Variants in SERPINB5 observed in about 807,000 individuals in gnomAD.
The protein encoded by SERPINB5 is serpin B5.
In SERPINB5, 27 loss-of-function variants were observed where a neutral mutation model predicts 32.2. The observed-to-expected ratio is 0.84, with a 90% CI of 0.62 to 1.16. SERPINB5 has a LOEUF of 1.16. SERPINB5 is among the 50% of genes most tolerant of loss of function. SERPINB5 has a pLI of 0.00. For synonymous variants in SERPINB5, 154 were observed against 157.4 expected (o/e 0.98, Z 0.16); for missense variants, 388 against 436.3 (o/e 0.89, Z 0.99).
At chr18:63,484,300 C>A in intron 1 of SERPINB5, 122 bp from the exon 2 acceptor site, 1 of 1,001,402 alleles carries the variant, frequency 1.0e-6, no homozygotes, top group Non-Finnish European at 1.4e-6. Context: ...ACAGAAAGTT[C>A]CTTGTTTCTT....
Position 63,487,056 on chromosome 18 carries a change from C to T in SERPINB5, c.279C>T (p.Tyr93=), listed in dbSNP as rs763683554. The T allele has an allele frequency of 5.6e-6, 9 of 1,613,952 alleles. No individual in the cohort carries two copies. The highest frequency in any genetic ancestry group is 2.7e-5 in the African/African-American group (2 of 75,036). ...CACTGAAACTAATCAAGCGGCTCTA[C>T]GTAGACAAATCTCTGAATCTTTCTA... The part of the protein sequence containing the change: ...FYSLKLIKRL[Y]VDKSLNLSTE... The change falls in exon 3 of 7, where the codon TAC becomes TAT. Residue 93 remains tyrosine, a synonymous_variant. Coordinates refer to ENST00000382771, the MANE Select transcript of SERPINB5 (RefSeq NM_002639.5).
intron 1 of SERPINB5, among the ~76,000 whole-genome samples, chr18:63,479,917 C>T (rs117236582): frequency 2.5e-4 from 38 of 152,310 alleles, no homozygotes; most frequent in Non-Finnish European, 4.0e-4. Flanking sequence ...GGGGAGACTT[C>T]AGGACATGCA....
At chr18:63,492,891 G>A in intron 4 of SERPINB5, 62 bp from the exon 5 acceptor site, 3 of 1,566,754 alleles carry the variant, frequency 1.9e-6, no homozygotes, top group Non-Finnish European at 2.6e-6. Flanking sequence ...ATATGCATGT[G>A]AATTTCAGAT....
In SERPINB5 at chr18:63,497,499, G is replaced by GAAAAAAA. The variant is rs60323388; in HGVS notation, c.568-1612_568-1606dup. On this transcript the variant is annotated intron_variant, in intron 5 of 6. Transcript: ENST00000382771. The stretch of plus-strand genomic sequence containing the variant: ...CTTTACCATTGAACACAACGTTTCT[G>GAAAAAAA]AAAAAAAAAAAAAAAGAGCCAAGCA... 324 of 223,664 alleles carry GAAAAAAA rather than the reference G, an allele frequency of 1.4e-3. 3 individuals carry two copies. The highest frequency in any genetic ancestry group is 7.5e-3 in the African/African-American group (301 of 40,348). The allele number at this position is 223,664 out of a possible 1,614,324, so 13.9% of individuals were successfully genotyped here. A position where few individuals can be genotyped will look rare whatever the true frequency, so the allele number is the denominator to read the frequency against.
chr18:63,500,231 C>CTTT (rs58217010), intron 6 of SERPINB5, among the ~76,000 whole-genome samples: 17,223 of 139,758 alleles, frequency 0.12, 1,118 homozygotes, highest in Non-Finnish European at 0.13. Flanking sequence ...CTATGCCTGG[C>CTTT]TTTTTTTTTT....
chr18:63,494,320 T>TCA lies in SERPINB5; in HGVS notation c.567+1226_567+1227dup, dbSNP rs1909404359. Reference sequence around the variant, plus strand: ...CTGGGTGACAAAGTGAGACTCCATCTCAAAAAAAAAAAAAAAAAAAAAAAA... The same window carrying TCA: ...CTGGGTGACAAAGTGAGACTCCATCTCACAAAAAAAAAAAAAAAAAAAAAAAA... On this transcript the variant is annotated intron_variant, in intron 5 of 6. Coordinates refer to ENST00000382771, the MANE Select transcript of SERPINB5 (RefSeq NM_002639.5). Among the ~76,000 whole-genome samples, 3 of 30,452 alleles carry TCA rather than the reference T, an allele frequency of 9.9e-5. 1 individual carries two copies. Among genetic ancestry groups the TCA allele is most frequent in the African/African-American group, 3.0e-4 (3 of 10,028 alleles). The allele number at this position is 30,452 out of a possible 152,430, so 20.0% of individuals were successfully genotyped here. A position where few individuals can be genotyped will look rare whatever the true frequency, so the allele number is the denominator to read the frequency against.
chr18:63,499,008 C>A, intron 5 of SERPINB5, 112 bp from the exon 6 acceptor site: 1 of 482,648 alleles, frequency 2.1e-6, no homozygotes, highest in Non-Finnish European at 3.3e-6. Context: ...TGTATATATA[C>A]ATGTGGGTAT....
At chr18:63,502,971 C>G (rs533235230) in intron 6 of SERPINB5, among the ~76,000 whole-genome samples, 1 of 152,004 alleles carries the variant, frequency 6.6e-6, no homozygotes, top group Non-Finnish European at 1.5e-5. Context: ...TTGCAATGAG[C>G]GACGATCACA....
At chr18:63,492,606 G>A (rs781376330) in intron 4 of SERPINB5, among the ~76,000 whole-genome samples, 7 of 152,230 alleles carry the variant, frequency 4.6e-5, no homozygotes, top group Non-Finnish European at 8.8e-5. Flanking sequence ...CTGAGTCTCA[G>A]CTTCCTCATT....
intron 1 of SERPINB5, among the ~76,000 whole-genome samples, chr18:63,483,556 A>G (rs1327150755): frequency 2.0e-5 from 3 of 152,258 alleles, no homozygotes; most frequent in Non-Finnish European, 2.9e-5. Context: ...CTTTGAAATG[A>G]CGATGTCGGC....
At chr18:63,481,006 A>G (rs1468573887) in intron 1 of SERPINB5, among the ~76,000 whole-genome samples, 1 of 152,222 alleles carries the variant, frequency 6.6e-6, no homozygotes. Flanking sequence ...GAGGATTAGC[A>G]TGCAAAGGAA....
intron 1 of SERPINB5, among the ~76,000 whole-genome samples, chr18:63,481,557 A>G (rs955858077): frequency 6.6e-6 from 1 of 152,252 alleles, no homozygotes; most frequent in Non-Finnish European, 1.5e-5. Flanking sequence ...AGAAGCTTTC[A>G]GGGATCTGGG....
chr18:63,487,791 T>C (rs955770129), intron 3 of SERPINB5, among the ~76,000 whole-genome samples: 3 of 151,974 alleles, frequency 2.0e-5, no homozygotes, highest in African/African-American at 7.3e-5. Flanking sequence ...TAACACAGAG[T>C]TGATTTAGTT....
rs769798018 is a variant in SERPINB5 at position 63,503,609 on chromosome 18, G to C, written c.1015G>C (p.Ala339Pro). 3 of 1,614,224 alleles carry C rather than the reference G, an allele frequency of 1.9e-6. No individual in the cohort carries two copies. The highest frequency in any genetic ancestry group is 2.5e-6 in the Non-Finnish European group (3 of 1,180,020). ...DGGDSIEVPG[A>P]RILQHKDELN... ...TGGGGATTCCATAGAGGTGCCAGGA[G>C]CACGGATCCTGCAGCACAAGGATGA... The change falls in exon 7 of 7, where the codon GCA becomes CCA. Residue 339 changes from alanine to proline, a missense_variant. Ala to Pro is a conservative substitution (Grantham distance 27). Coordinates refer to ENST00000382771, the MANE Select transcript of SERPINB5 (RefSeq NM_002639.5).
chr18:63,479,091 A>G (rs1599385927), intron 1 of SERPINB5, among the ~76,000 whole-genome samples: 1 of 152,198 alleles, frequency 6.6e-6, no homozygotes, highest in East Asian at 1.9e-4. Flanking sequence ...TGAAAAAACT[A>G]TACTCATAGC....
In SERPINB5 at chr18:63,484,538, C is replaced by T; in HGVS notation, c.110C>T (p.Thr37Ile). The change falls in exon 2 of 7, where the codon ACC becomes ATC. Residue 37 changes from threonine to isoleucine, a missense_variant. Physicochemically the swap from Thr to Ile is moderately conservative, Grantham distance 89 (BLOSUM62 -1). Transcript: ENST00000382771. ...CTCTTCTCTCCAATCTGTCTCTCCA[C>T]CTCTCTGTCACTTGCTCAAGTGGGT... ...NVLFSPICLS[T>I]SLSLAQVGAK... 1 of 1,614,176 alleles carries T rather than the reference C, an allele frequency of 6.2e-7. No homozygotes were observed. The highest frequency in any genetic ancestry group is 2.2e-5 in the East Asian group (1 of 44,884).
At chr18:63,481,566 G>T (rs914318135) in intron 1 of SERPINB5, among the ~76,000 whole-genome samples, 5 of 152,184 alleles carry the variant, frequency 3.3e-5, no homozygotes, top group African/African-American at 9.7e-5. Flanking sequence ...CAGGGATCTG[G>T]GTTTAGGCTT....
At chr18:63,490,091 C>CT (rs1266548583) in intron 4 of SERPINB5, among the ~76,000 whole-genome samples, 3 of 152,074 alleles carry the variant, frequency 2.0e-5, no homozygotes, top group Non-Finnish European at 4.4e-5. Flanking sequence ...ACTCGGGAGG[C>CT]TGAGACAGGA....
Position 63,503,658 on chromosome 18 carries a change from T to C in SERPINB5, c.1064T>C (p.Ile355Thr). 1 of 1,614,218 alleles carries C rather than the reference T, an allele frequency of 6.2e-7. No individual in the cohort carries two copies. Among genetic ancestry groups the C allele is most frequent in the South Asian group, 1.1e-5 (1 of 91,084 alleles). The change falls in exon 7 of 7, where the codon ATT becomes ACT. Residue 355 changes from isoleucine (I) to threonine (T), a missense_variant. By Grantham distance (89) the Ile-to-Thr change is moderately conservative. Transcript: ENST00000382771. ...GAATTGAATGCTGACCATCCCTTTA[T>C]TTACATCATCAGGCACAACAAAACT... is the stretch of plus-strand genomic sequence containing the variant. ...KDELNADHPF[I>T]YIIRHNKTRN...
Sources: gnomAD v4.1 joint callset for allele counts (sites outside exome capture counted in the v4.1 genomes callset) on GRCh38, gnomAD v4.1.1 for gene constraint, MANE v1.5 for transcripts, NCBI Gene and HGNC (gene_info 2026-07-23, HGNC 2026-07-21) for gene names.